Variants in MAML3 observed in about 807,000 individuals in gnomAD.
MAML3 encodes mastermind like transcriptional coactivator 3.
Under a neutral mutation model 101.9 loss-of-function variants are expected in MAML3, and 27 were observed. The observed-to-expected ratio is 0.27, with a 90% CI of 0.20 to 0.37. The LOEUF (loss-of-function observed/expected upper bound fraction) is 0.37, where lower values mean the gene tolerates loss of function less well. Among genes scored for constraint, MAML3 ranks in the 10% least tolerant of loss-of-function variants. MAML3 has a pLI of 1.00. For synonymous variants in MAML3, 501 were observed against 555.9 expected (o/e 0.90, Z 1.39); for missense variants, 1,316 against 1,444.9 (o/e 0.91, Z 1.45).
intron 1 of MAML3, among the ~76,000 whole-genome samples, chr4:140,059,921 T>C (rs74354628): frequency 0.035 from 5,357 of 152,332 alleles, 143 homozygotes; most frequent in South Asian, 0.071. Flanking sequence ...AAAATAATTA[T>C]GATATATGAA....
At chr4:139,814,332 T>A (rs1730857712) in intron 2 of MAML3, among the ~76,000 whole-genome samples, 1 of 152,188 alleles carries the variant, frequency 6.6e-6, no homozygotes, top group Non-Finnish European at 1.5e-5. Context: ...CATATAAGGC[T>A]TATGCCTTAC....
At chr4:139,911,794 G>A (rs1432288574) in intron 1 of MAML3, among the ~76,000 whole-genome samples, 1 of 152,168 alleles carries the variant, frequency 6.6e-6, no homozygotes, top group Non-Finnish European at 1.5e-5. Flanking sequence ...CAGGAAGCAG[G>A]CCCTCTCCAG....
chr4:140,058,103 A>G (rs964535605), intron 1 of MAML3, among the ~76,000 whole-genome samples: 1 of 152,178 alleles, frequency 6.6e-6, no homozygotes, highest in African/African-American at 2.4e-5. Context: ...AAGAAGTTTT[A>G]CTTTATTCAT....
At chr4:140,111,065 T>C (rs1054494624) in intron 1 of MAML3, among the ~76,000 whole-genome samples, 12 of 152,220 alleles carry the variant, frequency 7.9e-5, no homozygotes, top group Admixed American at 5.2e-4. Context: ...CCATAAAACA[T>C]TTAACCAGCT....
In MAML3 at chr4:139,905,230, C is replaced by T. The variant is rs569195288; in HGVS notation, c.469-14263G>A. ...TTATAGGGCTGGGCGCAGTGGCTCACGCCTATAATCCCAGCACTTTGGGAG... is the reference window on the plus strand; with the variant it reads ...TTATAGGGCTGGGCGCAGTGGCTCATGCCTATAATCCCAGCACTTTGGGAG... On this transcript the variant is annotated intron_variant, in intron 1 of 4. Transcript: ENST00000509479. Among the ~76,000 whole-genome samples the T allele has an allele frequency of 3.3e-3, 496 of 152,256 alleles. 5 individuals are homozygous for T. Among genetic ancestry groups the T allele is most frequent in the African/African-American group, 0.011 (439 of 41,568 alleles).
intron 1 of MAML3, among the ~76,000 whole-genome samples, chr4:140,042,755 A>T (rs1727108658): frequency 6.6e-6 from 1 of 152,172 alleles, no homozygotes; most frequent in Non-Finnish European, 1.5e-5. Context: ...ATGAGATGAA[A>T]ATGCATAAGG....
intron 1 of MAML3, among the ~76,000 whole-genome samples, chr4:139,906,520 C>T (rs527681024): frequency 6.6e-6 from 1 of 152,218 alleles, no homozygotes. Context: ...GCATAGAGAC[C>T]AGGGCCATAA....
chr4:139,979,010 A>G (rs1371418565), intron 1 of MAML3, among the ~76,000 whole-genome samples: 1 of 152,118 alleles, frequency 6.6e-6, no homozygotes, highest in Non-Finnish European at 1.5e-5. Context: ...GAACAAAGGA[A>G]CAAGCCTGCT....
chr4:139,796,902 A>G (rs1481874172), intron 2 of MAML3, among the ~76,000 whole-genome samples: 1 of 152,194 alleles, frequency 6.6e-6, no homozygotes, highest in African/African-American at 2.4e-5. Flanking sequence ...GGTTTTCCAG[A>G]TCTTATTTTG....
intron 1 of MAML3, among the ~76,000 whole-genome samples, chr4:140,096,162 C>T (rs776031019): frequency 6.6e-6 from 1 of 152,216 alleles, no homozygotes; most frequent in Admixed American, 6.5e-5. Context: ...TAGACACCAA[C>T]GGTTGTGTCT....
intron 1 of MAML3, among the ~76,000 whole-genome samples, chr4:140,128,453 C>A (rs1448483451): frequency 1.3e-5 from 2 of 152,190 alleles, no homozygotes; most frequent in African/African-American, 4.8e-5. Context: ...CCCAGCAGCA[C>A]CCCTGCCTTT....
intron 2 of MAML3, among the ~76,000 whole-genome samples, chr4:139,870,134 C>T (rs1731976824): frequency 6.6e-6 from 1 of 152,196 alleles, no homozygotes; most frequent in Non-Finnish European, 1.5e-5. Flanking sequence ...GAATATGTAC[C>T]TTACTGTGGA....
chr4:139,826,296 G>A (rs1232340000), intron 2 of MAML3, among the ~76,000 whole-genome samples: 1 of 152,108 alleles, frequency 6.6e-6, no homozygotes, highest in African/African-American at 2.4e-5. Flanking sequence ...AGGAGTATCA[G>A]TGAAGGGTAG....
chr4:139,994,049 T>C (rs1734755202), intron 1 of MAML3, among the ~76,000 whole-genome samples: 1 of 152,230 alleles, frequency 6.6e-6, no homozygotes, highest in South Asian at 2.1e-4. Flanking sequence ...GTCTACTTTT[T>C]TTGTAATGTG....
At chr4:140,057,870 G>T (rs1442427167) in intron 1 of MAML3, among the ~76,000 whole-genome samples, 1 of 151,888 alleles carries the variant, frequency 6.6e-6, no homozygotes, top group African/African-American at 2.4e-5. Context: ...TTTTATACAT[G>T]GTTGGCTTAT....
At chr4:140,061,344 G>A (rs752515568) in intron 1 of MAML3, among the ~76,000 whole-genome samples, 3 of 152,182 alleles carry the variant, frequency 2.0e-5, no homozygotes, top group Non-Finnish European at 4.4e-5. Context: ...TCCTAACTAC[G>A]ATATGGGAGA....
intron 2 of MAML3, among the ~76,000 whole-genome samples, chr4:139,872,435 C>G (rs1732031741): frequency 6.6e-6 from 1 of 152,124 alleles, no homozygotes; most frequent in African/African-American, 2.4e-5. Flanking sequence ...GTGAATAATA[C>G]AAATGTGGAG....
At chr4:139,904,114 A>G (rs1732774589) in intron 1 of MAML3, among the ~76,000 whole-genome samples, 8 of 152,224 alleles carry the variant, frequency 5.3e-5, no homozygotes, top group Admixed American at 5.2e-4. Flanking sequence ...TGAATTCTGG[A>G]GGACTAACAT....
At chr4:139,933,969 G>A (rs1321502293) in intron 1 of MAML3, among the ~76,000 whole-genome samples, 1 of 152,124 alleles carries the variant, frequency 6.6e-6, no homozygotes, top group African/African-American at 2.4e-5. Flanking sequence ...ATATCTGTGA[G>A]TGTATGTGAT....
Sources: gnomAD v4.1 joint callset for allele counts (sites outside exome capture counted in the v4.1 genomes callset) on GRCh38, gnomAD v4.1.1 for gene constraint, MANE v1.5 for transcripts, NCBI Gene and HGNC (gene_info 2026-07-23, HGNC 2026-07-21) for gene names.